Variants in GALNTL6 observed in about 807,000 individuals in gnomAD.
The protein encoded by GALNTL6 is polypeptide N-acetylgalactosaminyltransferase like 6, also known as polypeptide N-acetylgalactosaminyltransferase-like 6.
GALNTL6 carries 46 observed loss-of-function variants against 73.7 expected under a neutral mutation model. That is an observed-to-expected ratio of 0.62 (90% CI 0.49 to 0.80). The LOEUF is 0.80. Ranked by LOEUF, GALNTL6 falls within the 30% of genes least tolerant of loss-of-function variation. The pLI, the probability that GALNTL6 is intolerant of heterozygous loss-of-function variation, is 0.00. For synonymous variants in GALNTL6, 259 were observed against 263.7 expected (o/e 0.98, Z 0.17); for missense variants, 604 against 755.0 (o/e 0.80, Z 2.34).
Position 172,056,028 on chromosome 4 carries a change from G to A in GALNTL6, c.139-173628G>A, listed in dbSNP as rs75474882. Among the ~76,000 whole-genome samples, 241 of 152,126 alleles carry A rather than the reference G, an allele frequency of 1.6e-3. 1 individual carries two copies. The highest frequency in any genetic ancestry group is 5.1e-3 in the African/African-American group (213 of 41,512). On this transcript the variant is annotated intron_variant, in intron 2 of 12. Coordinates refer to ENST00000506823, the MANE Select transcript of GALNTL6 (RefSeq NM_001034845.3). ...GCATTTGTTCCCTAAAAGAGTATTT[G>A]GGAAACCAAATATTCCAAAATAGTA...
At chr4:172,643,604 C>A (rs1411399458) in intron 5 of GALNTL6, among the ~76,000 whole-genome samples, 1 of 151,968 alleles carries the variant, frequency 6.6e-6, no homozygotes, top group Non-Finnish European at 1.5e-5. Context: ...TCCCACTATC[C>A]TGATATCTAA....
chr4:172,028,799 A>G (rs1741676138), intron 2 of GALNTL6, among the ~76,000 whole-genome samples: 1 of 152,042 alleles, frequency 6.6e-6, no homozygotes. Flanking sequence ...ACAAAATCTG[A>G]AGTTCTATGG....
At chr4:171,940,040 A>T (rs2111010761) in intron 2 of GALNTL6, among the ~76,000 whole-genome samples, 1 of 152,252 alleles carries the variant, frequency 6.6e-6, no homozygotes, top group Admixed American at 6.5e-5. Flanking sequence ...TCTTCGACAA[A>T]TCACTTTACT....
chr4:172,857,006 G>A (rs1744154710), intron 7 of GALNTL6, among the ~76,000 whole-genome samples: 1 of 152,182 alleles, frequency 6.6e-6, no homozygotes, highest in Non-Finnish European at 1.5e-5. Context: ...TGCCTCCTCA[G>A]TTCATCCTAT....
chr4:171,848,345 T>C (rs1735429829), intron 2 of GALNTL6, among the ~76,000 whole-genome samples: 1 of 152,164 alleles, frequency 6.6e-6, no homozygotes, highest in Non-Finnish European at 1.5e-5. Flanking sequence ...TCAGAGTAGA[T>C]TCAGTGTAAT....
chr4:172,610,994 G>A (rs1213855492), intron 5 of GALNTL6, among the ~76,000 whole-genome samples: 1 of 151,990 alleles, frequency 6.6e-6, no homozygotes, highest in Non-Finnish European at 1.5e-5. Context: ...TCTGAAATTA[G>A]AATAGCAATC....
intron 5 of GALNTL6, among the ~76,000 whole-genome samples, chr4:172,736,277 G>T (rs1326800458): frequency 6.6e-6 from 1 of 152,152 alleles, no homozygotes; most frequent in Non-Finnish European, 1.5e-5. Context: ...CTCCCAGAGC[G>T]ACTATTTTAG....
chr4:171,993,694 A>G (rs1263605320), intron 2 of GALNTL6, among the ~76,000 whole-genome samples: 1 of 152,002 alleles, frequency 6.6e-6, no homozygotes, highest in African/African-American at 2.4e-5. Context: ...TGTAGAGGTC[A>G]TAGTTAGTAT....
At chr4:172,579,313 G>C (rs1737077620) in intron 5 of GALNTL6, among the ~76,000 whole-genome samples, 1 of 152,084 alleles carries the variant, frequency 6.6e-6, no homozygotes. Flanking sequence ...TTTTTGCCCT[G>C]CATTTCTAGT....
chr4:172,551,557 A>G (rs1173437514), intron 5 of GALNTL6, among the ~76,000 whole-genome samples: 2 of 152,206 alleles, frequency 1.3e-5, no homozygotes, highest in African/African-American at 4.8e-5. Flanking sequence ...ACTTAAAATT[A>G]AAAACCAAAT....
intron 3 of GALNTL6, among the ~76,000 whole-genome samples, chr4:172,305,635 C>T (rs1050595888): frequency 1.3e-5 from 2 of 151,758 alleles, no homozygotes; most frequent in South Asian, 4.2e-4. Context: ...TTGTTGTTTG[C>T]AAAAGCAATG....
intron 12 of GALNTL6, 85 bp from the exon 13 acceptor site, chr4:173,039,846 CAG>C: frequency 3.0e-6 from 3 of 1,000,194 alleles, no homozygotes; most frequent in Non-Finnish European, 4.4e-6. Context: ...GAAATATAAA[CAG>C]AAATATCTTA....
chr4:172,551,451 A>T (rs556969718), intron 5 of GALNTL6, among the ~76,000 whole-genome samples: 2 of 152,130 alleles, frequency 1.3e-5, no homozygotes, highest in East Asian at 3.9e-4. Flanking sequence ...GAATATTTTT[A>T]AAATAATATA....
intron 2 of GALNTL6, among the ~76,000 whole-genome samples, chr4:172,061,121 C>A (rs1302237558): frequency 6.6e-6 from 1 of 152,054 alleles, no homozygotes; most frequent in Non-Finnish European, 1.5e-5. Context: ...CAAATTCATA[C>A]AACTAGAAAA....
At chr4:172,183,791 A>G in intron 2 of GALNTL6, among the ~76,000 whole-genome samples, 1 of 139,258 alleles carries the variant, frequency 7.2e-6, no homozygotes, top group Non-Finnish European at 1.5e-5. Context: ...TTACTGTTGA[A>G]GACTTTTTTT....
At chr4:172,292,248 A>G (rs1374288672) in intron 3 of GALNTL6, among the ~76,000 whole-genome samples, 1 of 152,090 alleles carries the variant, frequency 6.6e-6, no homozygotes, top group Non-Finnish European at 1.5e-5. Flanking sequence ...GAGAAAGAAC[A>G]ACCAATATAA....
intron 2 of GALNTL6, among the ~76,000 whole-genome samples, chr4:172,107,902 T>C (rs372241528): frequency 2.0e-5 from 3 of 152,184 alleles, no homozygotes; most frequent in South Asian, 4.1e-4. Flanking sequence ...TTACATTGAC[T>C]TTTCAATACC....
chr4:172,368,089 G>A (rs981270715), intron 5 of GALNTL6, among the ~76,000 whole-genome samples: 5 of 152,046 alleles, frequency 3.3e-5, no homozygotes, highest in African/African-American at 1.2e-4. Context: ...TATTACAAAA[G>A]TAGAATATTG....
At chr4:171,830,279 T>G (rs1282767815) in intron 2 of GALNTL6, among the ~76,000 whole-genome samples, 4 of 152,160 alleles carry the variant, frequency 2.6e-5, no homozygotes, top group Admixed American at 6.6e-5. Context: ...GTGGAAGAAT[T>G]AACTTTTGTA....
Sources: allele counts gnomAD v4.1 joint callset (sites outside exome capture counted in the v4.1 genomes callset), GRCh38; gene constraint gnomAD v4.1.1; transcripts MANE v1.5; gene names NCBI Gene and HGNC (gene_info 2026-07-23, HGNC 2026-07-21).